SORCS1: variants seen among roughly 807,000 people sequenced by gnomAD.
SORCS1 encodes sortilin related VPS10 domain containing receptor 1, also known as VPS10 domain-containing receptor SorCS1.
A neutral mutation model predicts 146.1 loss-of-function variants in SORCS1; 60 were observed. That is an observed-to-expected ratio of 0.41 (90% CI 0.33 to 0.51). SORCS1 has a LOEUF of 0.51. SORCS1 is among the 20% of genes least tolerant of loss of function. SORCS1 has a pLI of 0.21. For missense variants in SORCS1, 1,352 were observed against 1,487.6 expected (o/e 0.91, Z 1.50); for synonymous variants, 637 against 584.0 (o/e 1.09, Z -1.31).
chr10:106,879,621 T>C (rs1483522236), intron 2 of SORCS1, among the ~76,000 whole-genome samples: 3 of 152,204 alleles, frequency 2.0e-5, no homozygotes, highest in Admixed American at 2.0e-4. Context: ...TATAATCTCA[T>C]GTGCTCCTAA....
chr10:106,808,533 C>T (rs1456784239), intron 3 of SORCS1, among the ~76,000 whole-genome samples: 2 of 151,998 alleles, frequency 1.3e-5, no homozygotes, highest in Non-Finnish European at 2.9e-5. Context: ...GGCGGAGTGT[C>T]GCTCTGTCGC....
At chr10:106,583,702 G>A (rs1277896868) in intron 24 of SORCS1, among the ~76,000 whole-genome samples, 2 of 151,880 alleles carry the variant, frequency 1.3e-5, no homozygotes, top group African/African-American at 4.8e-5. Flanking sequence ...TAGAGATGGG[G>A]TTTCACCATG....
chr10:106,619,376 G>C (rs911475200), intron 20 of SORCS1, among the ~76,000 whole-genome samples: 1 of 152,128 alleles, frequency 6.6e-6, no homozygotes, highest in South Asian at 2.1e-4. Context: ...GTTTGTCCTG[G>C]GCCTGTGCAA....
At chr10:106,812,492 C>T (rs956292405) in intron 3 of SORCS1, among the ~76,000 whole-genome samples, 1 of 152,270 alleles carries the variant, frequency 6.6e-6, no homozygotes, top group East Asian at 1.9e-4. Flanking sequence ...GCTCAAAAGG[C>T]AAAGGCAGAT....
intron 7 of SORCS1, among the ~76,000 whole-genome samples, chr10:106,707,978 T>C (rs1224898959): frequency 6.6e-6 from 1 of 152,160 alleles, no homozygotes; most frequent in Non-Finnish European, 1.5e-5. Context: ...ACCTCTTAGG[T>C]CTAGTGAGGG....
At chr10:107,175,461 G>A in the SORCS1 span, among the ~76,000 whole-genome samples, 1 of 151,476 alleles carries the variant, frequency 6.6e-6, no homozygotes, top group African/African-American at 2.4e-5. Context: ...TCTTTTAGAT[G>A]GAATCTCGCT....
At position 106,924,270 on chromosome 10, in the gene SORCS1, A is replaced by AT. The variant is rs60551348; in HGVS notation, c.626+32242_626+32243insA. 6.1e-3 allele frequency among the ~76,000 whole-genome samples: 901 copies of AT among 147,480 alleles called. 17 individuals carry two copies. Among genetic ancestry groups the AT allele is most frequent in the East Asian group, 0.036 (183 of 5,058 alleles). ...ACTCCATCTCAAAAAAAAAAAAAAA[A>AT]CTACCTTTTAATTAAAAACAATTTG... On this transcript the variant is annotated intron_variant, in intron 2 of 25. Coordinates refer to ENST00000263054, the MANE Select transcript of SORCS1 (RefSeq NM_052918.5).
intron 1 of SORCS1, among the ~76,000 whole-genome samples, chr10:107,014,273 G>GA (rs769896150): frequency 0.075 from 9,484 of 125,990 alleles, 1,303 homozygotes; most frequent in African/African-American, 0.25. Context: ...AAAAAAAAAA[G>GA]AAAAGAAAAA....
intron 1 of SORCS1, among the ~76,000 whole-genome samples, chr10:107,035,428 A>T (rs1958865909): frequency 6.6e-6 from 1 of 152,144 alleles, no homozygotes; most frequent in Admixed American, 6.5e-5. Flanking sequence ...TGAACCCCGC[A>T]GCTTAGTGCC....
intron 3 of SORCS1, among the ~76,000 whole-genome samples, chr10:106,784,062 A>G (rs1945921153): frequency 6.6e-6 from 1 of 152,188 alleles, no homozygotes; most frequent in Non-Finnish European, 1.5e-5. Context: ...AGAATATGGA[A>G]TATTCACTAA....
intron 3 of SORCS1, among the ~76,000 whole-genome samples, chr10:106,809,608 A>T (rs1947360345): frequency 6.6e-6 from 1 of 152,176 alleles, no homozygotes; most frequent in Admixed American, 6.5e-5. Flanking sequence ...TAAAGGTGAC[A>T]TCTGGTGGTA....
rs138422808 is a variant in SORCS1 at position 106,899,022 on chromosome 10, T to C, written c.626+57491A>G. ...ACATGGTCCTTAGTGGTTTACCAGG[T>C]GGATTCTTACTCCATAAATCATTCA... On this transcript the variant is annotated intron_variant, in intron 2 of 25. Coordinates refer to ENST00000263054, the MANE Select transcript of SORCS1 (RefSeq NM_052918.5). Among the ~76,000 whole-genome samples, 35 of 152,334 alleles carry C rather than the reference T, an allele frequency of 2.3e-4. No individual in the cohort carries two copies. In the East Asian group the frequency reaches 4.2e-3, roughly 18 times the overall value.
intron 8 of SORCS1, among the ~76,000 whole-genome samples, chr10:106,705,959 G>A (rs998601668): frequency 1.3e-5 from 2 of 152,194 alleles, no homozygotes; most frequent in Non-Finnish European, 2.9e-5. Flanking sequence ...CTGACTGGCT[G>A]AGAAAGCAAA....
At chr10:106,785,973 C>A (rs906464804) in intron 3 of SORCS1, among the ~76,000 whole-genome samples, 10 of 152,184 alleles carry the variant, frequency 6.6e-5, no homozygotes, top group Non-Finnish European at 1.2e-4. Flanking sequence ...CATGTCAGAG[C>A]ATAATTACAT....
chr10:106,663,067 A>G (rs975478536), intron 17 of SORCS1, among the ~76,000 whole-genome samples: 1 of 152,234 alleles, frequency 6.6e-6, no homozygotes, highest in Admixed American at 6.5e-5. Context: ...TTTGTATAAC[A>G]AGTTTTATGG....
chr10:106,989,787 T>C (rs529358010), intron 1 of SORCS1, among the ~76,000 whole-genome samples: 1 of 148,024 alleles, frequency 6.8e-6, no homozygotes, highest in Admixed American at 6.7e-5. Context: ...CCCAGCTTCA[T>C]GCCATTCTCC....
rs376177439 is a variant in SORCS1, at chr10:106,607,255, G to A, written c.3076C>T (p.Pro1026Ser). ...PGQHILVAVL[P>S]GLPTTAELFV... is the part of the protein sequence containing the mutation. ...AGTTCAGCAGTGGTGGGTAAGCCAG[G>A]GAGCACCGCCACCAGGATGTGCTGG... Residue 1026 changes from proline (P) to serine (S), a missense_variant, in exon 23 of 26, where the codon CCT (proline) becomes TCT (serine). Transcript: ENST00000263054. 1.2e-6 allele frequency: 2 copies of A among 1,614,094 alleles called. No individual in the cohort carries two copies. The highest frequency in any genetic ancestry group is 1.1e-5 in the South Asian group (1 of 91,078).
intron 1 of SORCS1, among the ~76,000 whole-genome samples, chr10:106,959,551 C>A (rs1441960802): frequency 6.6e-6 from 1 of 152,154 alleles, no homozygotes; most frequent in African/African-American, 2.4e-5. Context: ...GGATCCAGAG[C>A]CAAAATCACT....
rs146294597 is a variant in SORCS1 at position 107,024,471 on chromosome 10, G to C, written c.559-67891C>G. Among the ~76,000 whole-genome samples, 390 of 152,318 alleles carry C rather than the reference G, an allele frequency of 2.6e-3. 1 individual carries two copies. The highest frequency in any genetic ancestry group is 8.8e-3 in the African/African-American group (364 of 41,580). ...ACAAGGAATCTGCCCCCATGATCCA[G>C]ATATGTCCCATTAGGTCCCACTTCC... On this transcript the variant is annotated intron_variant, in intron 1 of 25. Coordinates refer to ENST00000263054, the MANE Select transcript of SORCS1 (RefSeq NM_052918.5).
Sources: allele counts gnomAD v4.1 joint callset (sites outside exome capture counted in the v4.1 genomes callset), GRCh38; gene constraint gnomAD v4.1.1; transcripts MANE v1.5; gene names NCBI Gene and HGNC (gene_info 2026-07-23, HGNC 2026-07-21).